Variants in FAM13A observed in about 807,000 individuals in gnomAD.
FAM13A encodes the protein family with sequence similarity 13 member A.
FAM13A carries 76 observed loss-of-function variants against 129.6 expected under a neutral mutation model. The observed-to-expected ratio is 0.59, with a 90% CI of 0.49 to 0.71. The LOEUF (loss-of-function observed/expected upper bound fraction) is 0.71, where lower values mean the gene tolerates loss of function less well. Ranked by LOEUF, FAM13A falls within the 30% of genes least tolerant of loss-of-function variation. FAM13A has a pLI of 0.00. For missense variants in FAM13A, 1,108 were observed against 1,249.3 expected (o/e 0.89, Z 1.70); for synonymous variants, 443 against 449.9 (o/e 0.98, Z 0.20).
At chr4:89,056,273 A>G (rs1772186545) in intron 1 of FAM13A, among the ~76,000 whole-genome samples, 1 of 152,212 alleles carries the variant, frequency 6.6e-6, no homozygotes, top group Non-Finnish European at 1.5e-5. Context: ...AAGGTTTTGT[A>G]CAAGCACCAG....
chr4:88,817,233 T>A (rs1730931619), intron 7 of FAM13A, among the ~76,000 whole-genome samples: 1 of 152,230 alleles, frequency 6.6e-6, no homozygotes, highest in South Asian at 2.1e-4. Flanking sequence ...CATATTTGTA[T>A]GATATGTGAA....
chr4:89,046,451 A>G (rs943483134), intron 1 of FAM13A, among the ~76,000 whole-genome samples: 1 of 136,920 alleles, frequency 7.3e-6, no homozygotes, highest in African/African-American at 2.8e-5. Flanking sequence ...TATTGATGGA[A>G]TAGATTTTCT....
At chr4:88,915,760 G>A (rs1750014166) in intron 5 of FAM13A, among the ~76,000 whole-genome samples, 1 of 152,146 alleles carries the variant, frequency 6.6e-6, no homozygotes, top group African/African-American at 2.4e-5. Flanking sequence ...GGCCCTTTAA[G>A]CAGTGATTGG....
chr4:88,758,380 G>C (rs1296108178), intron 14 of FAM13A, among the ~76,000 whole-genome samples: 1 of 152,098 alleles, frequency 6.6e-6, no homozygotes, highest in East Asian at 1.9e-4. Context: ...GCAGCAGTGG[G>C]AGGATCGCGC....
intron 7 of FAM13A, among the ~76,000 whole-genome samples, chr4:88,805,995 T>C (rs1055678687): frequency 6.6e-6 from 1 of 152,162 alleles, no homozygotes; most frequent in African/African-American, 2.4e-5. Flanking sequence ...AAATGTAACA[T>C]ATATGCTATA....
intron 7 of FAM13A, among the ~76,000 whole-genome samples, chr4:88,821,590 A>G (rs1190025167): frequency 6.6e-6 from 1 of 152,184 alleles, no homozygotes; most frequent in Non-Finnish European, 1.5e-5. Context: ...GTAGTAGCCA[A>G]TATTCTTATC....
At chr4:88,900,604 A>G (rs1747136828) in intron 6 of FAM13A, among the ~76,000 whole-genome samples, 1 of 152,112 alleles carries the variant, frequency 6.6e-6, no homozygotes, top group African/African-American at 2.4e-5. Flanking sequence ...TTCCAAGGGA[A>G]TTTGTCACCA....
chr4:89,005,768 C>A (rs1764912644), intron 3 of FAM13A, among the ~76,000 whole-genome samples: 1 of 150,660 alleles, frequency 6.6e-6, no homozygotes, highest in Non-Finnish European at 1.5e-5. Flanking sequence ...GGTTGTTTTT[C>A]TTTCCTAAAT....
chr4:89,007,415 C>A (rs564928628), intron 3 of FAM13A, among the ~76,000 whole-genome samples: 2 of 152,066 alleles, frequency 1.3e-5, no homozygotes, highest in Non-Finnish European at 2.9e-5. Context: ...TCACCAAGAC[C>A]GAGCATTAAA....
chr4:88,839,248 C>T (rs985736723), intron 7 of FAM13A, among the ~76,000 whole-genome samples: 3 of 151,912 alleles, frequency 2.0e-5, no homozygotes, highest in African/African-American at 7.3e-5. Context: ...ATATGTAATC[C>T]ACCTGGTATG....
intron 4 of FAM13A, among the ~76,000 whole-genome samples, chr4:88,970,205 G>A (rs1426166528): frequency 1.3e-5 from 2 of 152,178 alleles, no homozygotes; most frequent in African/African-American, 4.8e-5. Context: ...AAACCTGGAT[G>A]AAAAGACATA....
chr4:88,970,712 T>G (rs1201380083), intron 4 of FAM13A, among the ~76,000 whole-genome samples: 3 of 152,110 alleles, frequency 2.0e-5, no homozygotes, highest in Non-Finnish European at 4.4e-5. Flanking sequence ...AAGTCATAAT[T>G]GAAATTTTAA....
At chr4:88,887,351 A>C (rs2150147045) in intron 6 of FAM13A, among the ~76,000 whole-genome samples, 1 of 152,284 alleles carries the variant, frequency 6.6e-6, no homozygotes. Context: ...CAAACAGAAA[A>C]ATTTTAGAAT....
At chr4:88,869,197 TG>T (rs1466200070) in intron 6 of FAM13A, among the ~76,000 whole-genome samples, 1 of 152,232 alleles carries the variant, frequency 6.6e-6, no homozygotes, top group Non-Finnish European at 1.5e-5. Flanking sequence ...GCTTCCTAAT[TG>T]GTTTTCTCAC....
At chr4:89,013,962 C>T (rs1766100303) in intron 3 of FAM13A, among the ~76,000 whole-genome samples, 1 of 152,088 alleles carries the variant, frequency 6.6e-6, no homozygotes, top group Admixed American at 6.6e-5. Flanking sequence ...TAAATGTTCC[C>T]AGTCTGAGTG....
intron 13 of FAM13A, among the ~76,000 whole-genome samples, chr4:88,764,081 C>A (rs1745302243): frequency 6.6e-6 from 1 of 152,196 alleles, no homozygotes; most frequent in African/African-American, 2.4e-5. Flanking sequence ...CACTTAATAT[C>A]TTGTGATAAC....
chr4:88,745,968 T>C (rs998789255), intron 19 of FAM13A, among the ~76,000 whole-genome samples: 1 of 152,078 alleles, frequency 6.6e-6, no homozygotes, highest in Admixed American at 6.6e-5. Context: ...TGCTAGACAC[T>C]GAGGACTGGG....
In FAM13A at chr4:89,042,053, C is replaced by T. The variant is rs534434995; in HGVS notation, c.28-12404G>A. On this transcript the variant is annotated intron_variant, in intron 1 of 23. Transcript: ENST00000264344. ...AAGTGCTCGGTTAAAACGTACCCAGCCTTCATTGCAGCACATCTTTGATGG... is the reference window on the plus strand; with the variant it reads ...AAGTGCTCGGTTAAAACGTACCCAGTCTTCATTGCAGCACATCTTTGATGG... 2.0e-5 allele frequency among the ~76,000 whole-genome samples: 3 copies of T among 147,596 alleles called. No homozygotes were observed. The East Asian group carries it at 6.1e-4, about 30-fold the overall frequency.
At chr4:88,948,494 T>A (rs1756327414) in intron 4 of FAM13A, among the ~76,000 whole-genome samples, 2 of 141,734 alleles carry the variant, frequency 1.4e-5, no homozygotes, top group South Asian at 4.4e-4. Context: ...GGCCTGTATC[T>A]TTTTTTTTTT....
Sources: gnomAD v4.1 joint callset for allele counts (sites outside exome capture counted in the v4.1 genomes callset) on GRCh38, gnomAD v4.1.1 for gene constraint, MANE v1.5 for transcripts, NCBI Gene and HGNC (gene_info 2026-07-23, HGNC 2026-07-21) for gene names.